UNC13C: variants seen among roughly 807,000 people sequenced by gnomAD.
UNC13C encodes the protein unc-13 homolog C.
Under a neutral mutation model 245.4 loss-of-function variants are expected in UNC13C, and 174 were observed. The observed-to-expected ratio is 0.71, with a 90% CI of 0.63 to 0.80. The LOEUF (loss-of-function observed/expected upper bound fraction) is 0.80. UNC13C is among the 30% of genes least tolerant of loss of function. The pLI is 0.00. For missense variants in UNC13C, 2,829 were observed against 2,602.9 expected (o/e 1.09, Z -1.89); for synonymous variants, 992 against 895.1 (o/e 1.11, Z -1.93).
intron 2 of UNC13C, among the ~76,000 whole-genome samples, chr15:54,071,476 C>T (rs966521058): frequency 1.3e-5 from 2 of 152,030 alleles, no homozygotes; most frequent in African/African-American, 4.8e-5. Context: ...GCAACCAACT[C>T]ATAAATGTTA....
chr15:54,631,954 G>A (rs1024733876), downstream of UNC13C: 2 of 152,140 alleles, frequency 1.3e-5, no homozygotes, highest in Non-Finnish European at 2.9e-5. Context: ...ATTTCCAGAA[G>A]CAATGTATGA....
chr15:53,974,931 T>C (rs1352401669), upstream of UNC13C: 2 of 152,228 alleles, frequency 1.3e-5, no homozygotes, highest in Non-Finnish European at 2.9e-5. Flanking sequence ...AAATGGCTCA[T>C]TCGCATGCCT....
At chr15:53,913,889 A>G in the UNC13C span, 1 of 152,236 alleles carries the variant, frequency 6.6e-6, no homozygotes, top group Non-Finnish European at 1.5e-5. Flanking sequence ...TAGTACTAAC[A>G]CCATATGGGT....
chr15:54,222,975 A>C (rs151134911), intron 4 of UNC13C, among the ~76,000 whole-genome samples: 1 of 151,656 alleles, frequency 6.6e-6, no homozygotes, highest in Admixed American at 6.6e-5. Flanking sequence ...TGGGCTCCCT[A>C]TGTGTATTCT....
the UNC13C span, among the ~76,000 whole-genome samples, chr15:53,923,877 G>A: frequency 8.5e-5 from 13 of 152,346 alleles, no homozygotes; most frequent in South Asian, 1.0e-3. Flanking sequence ...TAGGTTCTAA[G>A]TTGATTAATC....
intron 4 of UNC13C, among the ~76,000 whole-genome samples, chr15:54,170,016 G>T: frequency 4.6e-5 from 6 of 130,538 alleles, no homozygotes; most frequent in Admixed American, 8.5e-5. Flanking sequence ...TTTAAACATC[G>T]CTATATTCTT....
intron 14 of UNC13C, among the ~76,000 whole-genome samples, chr15:54,329,230 G>A (rs114244541): frequency 0.01 from 1,552 of 151,450 alleles, 34 homozygotes; most frequent in African/African-American, 0.036. Context: ...TGATAAAATC[G>A]GAATAACTGG....
intron 2 of UNC13C, among the ~76,000 whole-genome samples, chr15:54,047,350 C>A (rs114614916): frequency 6.6e-6 from 1 of 151,952 alleles, no homozygotes; most frequent in Non-Finnish European, 1.5e-5. Flanking sequence ...CATTACCATT[C>A]ATTTTCAGAA....
intron 2 of UNC13C, among the ~76,000 whole-genome samples, chr15:54,051,523 T>C (rs780474851): frequency 1.7e-4 from 26 of 152,182 alleles, no homozygotes; most frequent in Non-Finnish European, 2.1e-4. Flanking sequence ...ATAGAGACTT[T>C]AGTACATATT....
the UNC13C span, among the ~76,000 whole-genome samples, chr15:53,905,397 T>TACAC: frequency 2.2e-5 from 1 of 46,262 alleles, no homozygotes; most frequent in Non-Finnish European, 4.4e-5. Context: ...TATATTACTT[T>TACAC]ATACACACAC....
intron 4 of UNC13C, among the ~76,000 whole-genome samples, chr15:54,217,454 A>T (rs1480567611): frequency 6.6e-6 from 1 of 151,920 alleles, no homozygotes; most frequent in Non-Finnish European, 1.5e-5. Context: ...CTGCCCTTCT[A>T]TTCTTTTAAC....
At chr15:54,603,724 T>G (rs1050581467) in intron 30 of UNC13C, among the ~76,000 whole-genome samples, 1 of 151,970 alleles carries the variant, frequency 6.6e-6, no homozygotes, top group African/African-American at 2.4e-5. Context: ...ATTAGCCAGG[T>G]GTAGTGGCAG....
chr15:54,400,470 C>T (rs1278457446), intron 18 of UNC13C, among the ~76,000 whole-genome samples: 1 of 152,038 alleles, frequency 6.6e-6, no homozygotes, highest in Non-Finnish European at 1.5e-5. Context: ...CCTTGTGGTG[C>T]TATTTAACTT....
At chr15:54,427,951 C>G (rs558550398) in intron 19 of UNC13C, among the ~76,000 whole-genome samples, 1 of 151,850 alleles carries the variant, frequency 6.6e-6, no homozygotes, top group South Asian at 2.1e-4. Flanking sequence ...GGCTACTTCT[C>G]CATTGTCTTT....
At chr15:54,136,658 T>C (rs942392331) in intron 2 of UNC13C, among the ~76,000 whole-genome samples, 1 of 152,136 alleles carries the variant, frequency 6.6e-6, no homozygotes, top group East Asian at 1.9e-4. Flanking sequence ...CTTTTCACTG[T>C]CGAGTATGAT....
At chr15:54,289,560 C>T (rs770061651) in intron 10 of UNC13C, among the ~76,000 whole-genome samples, 1 of 152,006 alleles carries the variant, frequency 6.6e-6, no homozygotes, top group South Asian at 2.1e-4. Flanking sequence ...AGTGAGTATT[C>T]TTAGTTGCAA....
At chr15:54,304,393 T>C (rs2037668487) in intron 13 of UNC13C, among the ~76,000 whole-genome samples, 1 of 152,094 alleles carries the variant, frequency 6.6e-6, no homozygotes, top group African/African-American at 2.4e-5. Context: ...GGTTATACAT[T>C]TGATTTAAAA....
At chr15:54,354,977 G>A (rs1511797) in intron 17 of UNC13C, among the ~76,000 whole-genome samples, 1 of 151,698 alleles carries the variant, frequency 6.6e-6, no homozygotes, top group African/African-American at 2.4e-5. Flanking sequence ...GTGTTAGTGG[G>A]CGATCATAGG....
intron 2 of UNC13C, among the ~76,000 whole-genome samples, chr15:54,131,104 A>G (rs1057451099): frequency 2.0e-5 from 3 of 152,230 alleles, no homozygotes; most frequent in African/African-American, 7.2e-5. Flanking sequence ...TTCATTTGTA[A>G]TAATTGGGAG....
Sources: allele counts gnomAD v4.1 joint callset (sites outside exome capture counted in the v4.1 genomes callset), GRCh38; gene constraint gnomAD v4.1.1; transcripts MANE v1.5; gene names NCBI Gene and HGNC (gene_info 2026-07-23, HGNC 2026-07-21).